Variants in ELOC observed in about 807,000 individuals in gnomAD.
ELOC encodes the protein elongin C.
For missense variants in ELOC, 38 were observed against 139.0 expected, an observed-to-expected ratio of 0.27 and a Z score of 3.65; for synonymous variants, 40 against 51.3, an observed-to-expected ratio of 0.78 and a Z score of 0.94.
At chr8:73,964,292 T>C (rs2131168330) in intron 1 of ELOC, among the ~76,000 whole-genome samples, 1 of 146,806 alleles carries the variant, frequency 6.8e-6, no homozygotes, top group African/African-American at 2.5e-5. Context: ...TGAATCCTTA[T>C]ATGGAAAAGT....
intron 3 of ELOC, among the ~76,000 whole-genome samples, chr8:73,952,688 G>C (rs1277589404): frequency 6.6e-6 from 1 of 151,132 alleles, no homozygotes; most frequent in Admixed American, 6.6e-5. Flanking sequence ...GGCTGAGGCA[G>C]GAGAATGGCA....
rs533787308 is a variant in ELOC, at chr8:73,948,153, T to C, written c.149-1333A>G. Among the ~76,000 whole-genome samples the C allele has an allele frequency of 4.4e-3, 664 of 151,286 alleles. 1 individual carries two copies. The highest frequency in any genetic ancestry group is 0.015 in the African/African-American group (611 of 41,176). ...GTTGCAGTGAGCCAAGATTGTGCCATTGCACTCCAGCCTGGGCGACAAGAA... is the reference window on the plus strand; with the variant it reads ...GTTGCAGTGAGCCAAGATTGTGCCACTGCACTCCAGCCTGGGCGACAAGAA... On this transcript the variant is annotated intron_variant, in intron 3 of 3. Transcript: ENST00000520242.
At chr8:73,960,922 G>C (rs1175357332) in intron 1 of ELOC, among the ~76,000 whole-genome samples, 1 of 151,390 alleles carries the variant, frequency 6.6e-6, no homozygotes, top group Non-Finnish European at 1.5e-5. Flanking sequence ...GACCAGCCTG[G>C]ACAACACAGT....
Sources: gnomAD v4.1 joint callset for allele counts (sites outside exome capture counted in the v4.1 genomes callset) on GRCh38, gnomAD v4.1.1 for gene constraint, MANE v1.5 for transcripts, NCBI Gene and HGNC (gene_info 2026-07-23, HGNC 2026-07-21) for gene names.